Variants in PALS2 observed in about 807,000 individuals in gnomAD.
The protein encoded by PALS2 is protein associated with LIN7 2, MAGUK p55 family member.
A neutral mutation model predicts 61.6 loss-of-function variants in PALS2; 27 were observed. That is an observed-to-expected ratio of 0.44 (90% confidence interval 0.32 to 0.60). The LOEUF (loss-of-function observed/expected upper bound fraction) is 0.60. Among genes scored for constraint, PALS2 ranks in the 20% least tolerant of loss-of-function variants. The pLI, the probability that PALS2 is intolerant of heterozygous loss-of-function variation, is 0.05. For synonymous variants in PALS2, 236 were observed against 218.6 expected (o/e 1.08, Z -0.70); for missense variants, 554 against 639.4 (o/e 0.87, Z 1.44).
chr7:24,632,111 C>T (rs543466201), intron 2 of PALS2, among the ~76,000 whole-genome samples: 1 of 152,250 alleles, frequency 6.6e-6, no homozygotes, highest in African/African-American at 2.4e-5. Flanking sequence ...TTTTACCTCC[C>T]ATATTTTAAT....
intron 3 of PALS2, among the ~76,000 whole-genome samples, chr7:24,645,032 C>G (rs750581808): frequency 6.6e-6 from 1 of 151,996 alleles, no homozygotes; most frequent in Non-Finnish European, 1.5e-5. Flanking sequence ...ATGCTGGATA[C>G]TAGACATTTG....
At chr7:24,639,318 A>G (rs1785394602) in intron 2 of PALS2, among the ~76,000 whole-genome samples, 1 of 152,174 alleles carries the variant, frequency 6.6e-6, no homozygotes, top group Non-Finnish European at 1.5e-5. Flanking sequence ...ATTCACCAGT[A>G]ATGTGAACTC....
intron 1 of PALS2, among the ~76,000 whole-genome samples, chr7:24,606,276 A>G (rs908105167): frequency 6.6e-6 from 1 of 152,150 alleles, no homozygotes; most frequent in Non-Finnish European, 1.5e-5. Flanking sequence ...CTTTACCCTA[A>G]TTACAACCTT....
intron 1 of PALS2, among the ~76,000 whole-genome samples, chr7:24,612,563 C>T (rs904271913): frequency 2.0e-5 from 3 of 151,652 alleles, no homozygotes; most frequent in Non-Finnish European, 3.0e-5. Flanking sequence ...AACACGGCTT[C>T]TCCATTTAAT....
intron 1 of PALS2, among the ~76,000 whole-genome samples, chr7:24,586,816 A>G (rs1157632269): frequency 6.6e-6 from 1 of 152,184 alleles, no homozygotes; most frequent in African/African-American, 2.4e-5. Flanking sequence ...AGCCTGAAAG[A>G]CAGTGGTGGC....
intron 1 of PALS2, among the ~76,000 whole-genome samples, chr7:24,574,940 G>T (rs1782590893): frequency 2.0e-5 from 3 of 152,168 alleles, no homozygotes; most frequent in Non-Finnish European, 4.4e-5. Context: ...AGGGTAGTGG[G>T]TAGTAGGCCT....
chr7:24,583,064 T>C (rs1034256521), intron 1 of PALS2, among the ~76,000 whole-genome samples: 2 of 151,786 alleles, frequency 1.3e-5, no homozygotes, highest in African/African-American at 4.8e-5. Context: ...CCAGCTAATT[T>C]TTGTATTTTT....
chr7:24,650,780 C>G (rs1786104396), intron 5 of PALS2, 68 bp downstream of exon 5: 1 of 1,047,320 alleles, frequency 9.5e-7, no homozygotes, highest in African/African-American at 1.6e-5. Flanking sequence ...TTGGAAATAA[C>G]TATCAGTTGC....
At chr7:24,623,949 C>A in intron 2 of PALS2, 165 bp downstream of exon 2, 9 of 997,442 alleles carry the variant, frequency 9.0e-6, no homozygotes, top group African/African-American at 1.6e-5. Flanking sequence ...AAAAATTAGA[C>A]CATTTTTCTC....
chr7:24,596,625 G>A lies in PALS2; in HGVS notation c.-3+23032G>A, dbSNP rs1331538701. 6.6e-6 allele frequency among the ~76,000 whole-genome samples: 1 copy of A among 152,112 alleles called. No homozygotes were observed. The highest frequency in any genetic ancestry group is 2.4e-5 in the African/African-American group (1 of 41,440). ...TTGCTTTGTTAATTAGTGGTTGGGT[G>A]AATAAAAATTTACTCAAAGCAGGAC... On this transcript the variant is annotated intron_variant, in intron 1 of 11. Transcript: ENST00000222644. This position sits in a 1 kb window ranked among gnomAD's most constrained non-coding sequence, Gnocchi z 4.5.
chr7:24,672,544 G>A (rs1406338448), intron 9 of PALS2, among the ~76,000 whole-genome samples: 3 of 152,072 alleles, frequency 2.0e-5, no homozygotes, highest in African/African-American at 7.2e-5. Flanking sequence ...TCCAGTCTAT[G>A]AGCATAGATG....
chr7:24,624,077 T>A (rs1784634196), intron 2 of PALS2: 1 of 1,337,386 alleles, frequency 7.5e-7, no homozygotes. Context: ...GTGAAAAAGA[T>A]CCTGATCCTA....
chr7:24,627,895 A>C (rs1282467910), intron 2 of PALS2, among the ~76,000 whole-genome samples: 1 of 152,184 alleles, frequency 6.6e-6, no homozygotes, highest in Non-Finnish European at 1.5e-5. Context: ...CAACCAAAAA[A>C]AGCCCAGGAC....
At chr7:24,587,516 C>T (rs1783116271) in intron 1 of PALS2, among the ~76,000 whole-genome samples, 1 of 150,384 alleles carries the variant, frequency 6.6e-6, no homozygotes, top group South Asian at 2.1e-4. Flanking sequence ...AGGTCCACAC[C>T]ACTATGCCCA....
intron 9 of PALS2, among the ~76,000 whole-genome samples, chr7:24,676,954 A>G (rs1207487086): frequency 6.6e-6 from 1 of 151,014 alleles, no homozygotes; most frequent in Non-Finnish European, 1.5e-5. Context: ...TGAGTCTGTA[A>G]ATTACCTTGG....
intron 2 of PALS2, among the ~76,000 whole-genome samples, chr7:24,628,649 C>T (rs773507543): frequency 2.6e-4 from 40 of 152,136 alleles, no homozygotes; most frequent in Non-Finnish European, 1.5e-5. Flanking sequence ...AGCAAAGTCT[C>T]AGGATACAAA....
At chr7:24,604,456 T>C (rs1175271313) in intron 1 of PALS2, among the ~76,000 whole-genome samples, 10 of 151,942 alleles carry the variant, frequency 6.6e-5, no homozygotes, top group Non-Finnish European at 1.5e-4. Flanking sequence ...GAAAAGAGAT[T>C]TGTAAGAATA....
chr7:24,616,299 C>G (rs1784291019), intron 1 of PALS2, among the ~76,000 whole-genome samples: 1 of 151,862 alleles, frequency 6.6e-6, no homozygotes, highest in Non-Finnish European at 1.5e-5. Flanking sequence ...AAAGAAAAGC[C>G]TAAAAGACTC....
At chr7:24,685,632 G>A (rs563204851) in intron 11 of PALS2, among the ~76,000 whole-genome samples, 64 of 143,508 alleles carry the variant, frequency 4.5e-4, no homozygotes, top group African/African-American at 1.4e-3. Flanking sequence ...GGCATACTCC[G>A]TTATTGTTAA....
Sources: allele counts gnomAD v4.1 joint callset (sites outside exome capture counted in the v4.1 genomes callset), GRCh38; gene constraint gnomAD v4.1.1; non-coding constraint Gnocchi (gnomAD v3.1); transcripts MANE v1.5; gene names NCBI Gene and HGNC (gene_info 2026-07-23, HGNC 2026-07-21).